Variants in UNC13C observed in about 807,000 individuals in gnomAD.
The protein encoded by UNC13C is protein unc-13 homolog C.
Under a neutral mutation model 245.4 loss-of-function variants are expected in UNC13C, and 174 were observed. The ratio of observed to expected loss-of-function variants is 0.71; its 90% CI spans 0.63 to 0.80. The LOEUF (loss-of-function observed/expected upper bound fraction) is 0.80. Ranked by LOEUF, UNC13C falls within the 30% of genes least tolerant of loss-of-function variation. The pLI, the probability that UNC13C is intolerant of heterozygous loss-of-function variation, is 0.00. For synonymous variants in UNC13C, 992 were observed against 895.1 expected (o/e 1.11, Z -1.93); for missense variants, 2,829 against 2,602.9 (o/e 1.09, Z -1.89).
intron 30 of UNC13C, among the ~76,000 whole-genome samples, chr15:54,591,522 T>A (rs1898790530): frequency 6.6e-6 from 1 of 152,118 alleles, no homozygotes; most frequent in Non-Finnish European, 1.5e-5. Flanking sequence ...CTAGGAGGGT[T>A]GTATTTTGCC....
chr15:53,942,724 C>T, the UNC13C span, among the ~76,000 whole-genome samples: 76 of 152,218 alleles, frequency 5.0e-4, no homozygotes, highest in East Asian at 7.8e-4. Flanking sequence ...AGTGCAGTGG[C>T]GAGATCTTGG....
chr15:53,977,403 G>C (rs1016518728), upstream of UNC13C, among the ~76,000 whole-genome samples: 1 of 152,238 alleles, frequency 6.6e-6, no homozygotes, highest in African/African-American at 2.4e-5. Flanking sequence ...TATTTAGGTG[G>C]AGTCAATTCT....
At chr15:53,991,187 A>G (rs1362058724) in intron 1 of UNC13C, among the ~76,000 whole-genome samples, 1 of 151,988 alleles carries the variant, frequency 6.6e-6, no homozygotes, top group African/African-American at 2.4e-5. Context: ...TTAGAAGGGT[A>G]TATATATGTA....
the UNC13C span, among the ~76,000 whole-genome samples, chr15:53,939,777 A>C: frequency 2.6e-5 from 4 of 151,928 alleles, no homozygotes; most frequent in Non-Finnish European, 5.9e-5. Flanking sequence ...GCCTTCAATA[A>C]AATTTGTCAT....
the UNC13C span, among the ~76,000 whole-genome samples, chr15:53,879,999 T>C: frequency 0.97 from 147,573 of 151,888 alleles, 71,809 homozygotes; most frequent in Middle Eastern, 1. Flanking sequence ...AATTTTTCTT[T>C]TTTGTTTTTA....
chr15:54,094,875 C>A lies in UNC13C; in HGVS notation c.2984-48143C>A, dbSNP rs73420929. 8.4e-3 allele frequency among the ~76,000 whole-genome samples: 1,274 copies of A among 152,242 alleles called. 17 individuals carry two copies. Among genetic ancestry groups the A allele is most frequent in the African/African-American group, 0.029 (1,224 of 41,538 alleles). On this transcript the variant is annotated intron_variant, in intron 2 of 32. Transcript: ENST00000260323. ...TCACAGGGGGTCTCTCACACCTGTT[C>A]CACTGATATGGCCAAGTACAAAGTG...
chr15:54,410,438 T>G (rs986901020), intron 18 of UNC13C, among the ~76,000 whole-genome samples: 1 of 152,188 alleles, frequency 6.6e-6, no homozygotes, highest in African/African-American at 2.4e-5. Context: ...CATAAAATCT[T>G]TGCCAAGGCC....
chr15:54,073,234 G>T (rs560294489), intron 2 of UNC13C, among the ~76,000 whole-genome samples: 1 of 152,230 alleles, frequency 6.6e-6, no homozygotes, highest in East Asian at 1.9e-4. Flanking sequence ...TGTCTGCATA[G>T]TATTCTGTGG....
At chr15:54,185,313 G>A (rs1303152556) in intron 4 of UNC13C, among the ~76,000 whole-genome samples, 1 of 152,002 alleles carries the variant, frequency 6.6e-6, no homozygotes, top group Non-Finnish European at 1.5e-5. Flanking sequence ...TGTTGCCATT[G>A]CTTTTGGTGT....
intron 2 of UNC13C, among the ~76,000 whole-genome samples, chr15:54,086,013 G>T (rs969208824): frequency 9.2e-5 from 14 of 152,190 alleles, no homozygotes; most frequent in African/African-American, 3.1e-4. Flanking sequence ...CATGTGGAAT[G>T]ATCAAATTTG....
the UNC13C span, among the ~76,000 whole-genome samples, chr15:53,866,349 A>G: frequency 6.6e-6 from 1 of 152,226 alleles, no homozygotes; most frequent in Non-Finnish European, 1.5e-5. Flanking sequence ...AATTAATAAA[A>G]TGGAAAGCAA....
chr15:54,410,047 T>C (rs890573943), intron 18 of UNC13C, among the ~76,000 whole-genome samples: 7 of 152,208 alleles, frequency 4.6e-5, no homozygotes, highest in African/African-American at 1.7e-4. Context: ...GTTATGTTTT[T>C]ACTTTTCAAT....
At chr15:54,002,100 C>T (rs1894919358) in intron 1 of UNC13C, among the ~76,000 whole-genome samples, 1 of 152,194 alleles carries the variant, frequency 6.6e-6, no homozygotes, top group Non-Finnish European at 1.5e-5. Flanking sequence ...TCCTGGCTAA[C>T]ACGGTGAAAC....
At chr15:54,546,574 G>A (rs1468786034) in intron 26 of UNC13C, 148 bp from the exon 27 acceptor site, 2 of 439,756 alleles carry the variant, frequency 4.5e-6, no homozygotes, top group Admixed American at 8.7e-5. Context: ...ATTATCTAAT[G>A]TACAGAATCA....
At chr15:54,105,446 C>T (rs1334074560) in intron 2 of UNC13C, among the ~76,000 whole-genome samples, 1 of 152,144 alleles carries the variant, frequency 6.6e-6, no homozygotes, top group Non-Finnish European at 1.5e-5. Context: ...AGACCCTTTC[C>T]CATTCTCTTT....
At chr15:54,449,086 A>G (rs541706235) in intron 19 of UNC13C, among the ~76,000 whole-genome samples, 1 of 152,262 alleles carries the variant, frequency 6.6e-6, no homozygotes, top group South Asian at 2.1e-4. Flanking sequence ...TTTCTTTAAG[A>G]ATGTTGAATA....
intron 10 of UNC13C, among the ~76,000 whole-genome samples, chr15:54,270,074 G>A (rs1049274558): frequency 6.6e-6 from 1 of 152,092 alleles, no homozygotes; most frequent in African/African-American, 2.4e-5. Flanking sequence ...TGAATTCTGA[G>A]ATTTTATTCT....
chr15:54,192,879 TTCTTTC>T (rs1051212847), intron 4 of UNC13C, among the ~76,000 whole-genome samples: 1 of 150,342 alleles, frequency 6.7e-6, no homozygotes, highest in Non-Finnish European at 1.5e-5. Context: ...TTCTCTCTCT[TTCTTTC>T]TCTTTCTCTG....
intron 2 of UNC13C, among the ~76,000 whole-genome samples, chr15:54,098,090 T>C (rs1424506034): frequency 1.3e-5 from 2 of 152,160 alleles, no homozygotes; most frequent in Non-Finnish European, 2.9e-5. Context: ...CTGGACAGAG[T>C]GGCCAGGACA....
Sources: gnomAD v4.1 joint callset for allele counts (sites outside exome capture counted in the v4.1 genomes callset) on GRCh38, gnomAD v4.1.1 for gene constraint, MANE v1.5 for transcripts, NCBI Gene and HGNC (gene_info 2026-07-23, HGNC 2026-07-21) for gene names.